DNAH11: variants seen among roughly 807,000 people sequenced by gnomAD.
The protein encoded by DNAH11 is dynein axonemal heavy chain 11.
Under a neutral mutation model 526.0 loss-of-function variants are expected in DNAH11, and 442 were observed. That is an observed-to-expected ratio of 0.84 (90% CI 0.78 to 0.91). The LOEUF is 0.91. Among genes scored for constraint, DNAH11 ranks in the 40% least tolerant of loss-of-function variants. The pLI, the probability that DNAH11 is intolerant of heterozygous loss-of-function variation, is 0.00. For missense variants in DNAH11, 6,989 were observed against 5,448.7 expected, an observed-to-expected ratio of 1.28 and a Z score of -8.90; for synonymous variants, 2,461 against 1,935.9, an observed-to-expected ratio of 1.27 and a Z score of -7.12.
chr7:21,681,834 G>A (rs771901637), intron 31 of DNAH11, 157 bp downstream of exon 31: 25 of 957,436 alleles, frequency 2.6e-5, no homozygotes, highest in Non-Finnish European at 3.7e-5. Flanking sequence ...TTTGATTTTG[G>A]TTAGCCAATA....
intron 18 of DNAH11, among the ~76,000 whole-genome samples, chr7:21,603,659 A>G (rs1418962410): frequency 6.6e-6 from 1 of 152,240 alleles, no homozygotes; most frequent in Non-Finnish European, 1.5e-5. Context: ...AGCCAGTTAG[A>G]CATGGAGCAA....
At chr7:21,579,739 T>C (rs548282830) in intron 8 of DNAH11, among the ~76,000 whole-genome samples, 13 of 152,294 alleles carry the variant, frequency 8.5e-5, no homozygotes, top group Non-Finnish European at 1.8e-4. Context: ...AGATTGTGAG[T>C]TAAAGGATTC....
intron 45 of DNAH11, among the ~76,000 whole-genome samples, chr7:21,727,589 T>C (rs1785182906): frequency 6.6e-6 from 1 of 152,248 alleles, no homozygotes; most frequent in Admixed American, 6.5e-5. Context: ...GATCATCGTA[T>C]TCTACCTCAA....
At position 21,543,099 on chromosome 7, in the gene DNAH11, G is replaced by A; in HGVS notation, c.-147G>A. The A allele has an allele frequency of 7.1e-7, 1 of 1,405,382 alleles. No homozygotes were observed. The highest frequency in any genetic ancestry group is 9.2e-7 in the Non-Finnish European group (1 of 1,082,566). The allele number at this position is 1,405,382 out of a possible 1,614,324, so 87.1% of individuals were successfully genotyped here. A position where few individuals can be genotyped will look rare whatever the true frequency, so the allele number is the denominator to read the frequency against. Reference sequence around the variant, plus strand: ...CTGTGCGCAGTGGCGCGGCTGCTAAGTAGCAGCAGGTGGGAGACTAGGGTC... The same window carrying A: ...CTGTGCGCAGTGGCGCGGCTGCTAAATAGCAGCAGGTGGGAGACTAGGGTC... On this transcript the variant is annotated 5_prime_UTR_variant, in exon 1 of 82. Transcript: ENST00000409508.
intron 35 of DNAH11, among the ~76,000 whole-genome samples, chr7:21,692,983 C>T (rs757591457): frequency 2.6e-5 from 4 of 152,242 alleles, no homozygotes; most frequent in East Asian, 1.9e-4. Context: ...TGTGAAAAGC[C>T]GTATTCTGCA....
chr7:21,556,666 C>T (rs959094820), intron 2 of DNAH11, among the ~76,000 whole-genome samples: 2 of 152,272 alleles, frequency 1.3e-5, no homozygotes, highest in African/African-American at 2.4e-5. Flanking sequence ...TTAGTCCTCA[C>T]CCTCCTTCCA....
intron 74 of DNAH11, among the ~76,000 whole-genome samples, chr7:21,877,744 G>A (rs1042097045): frequency 3.3e-5 from 5 of 151,836 alleles, no homozygotes; most frequent in Non-Finnish European, 7.4e-5. Context: ...GCGTGGTGGT[G>A]GGCGCCTGTA....
At position 21,658,818 on chromosome 7, in the gene DNAH11, A is replaced by G. The variant is rs772630553; in HGVS notation, c.5115A>G (p.Gln1705=). 7 of 1,588,186 alleles carry G rather than the reference A, an allele frequency of 4.4e-6. No homozygotes were observed. Among genetic ancestry groups the G allele is most frequent in the Non-Finnish European group, 6.0e-6 (7 of 1,167,088 alleles). ...CVGHVETWLL[Q]LEQTMQETVR... ...CAAAGGTGGAAACATGGCTTCTGCA[A>G]CTTGAACAGACTATGCAAGAAACGG... Residue 1705 remains glutamine, a synonymous_variant, in exon 30 of 82, where the codon CAA becomes CAG. Coordinates refer to ENST00000409508, the MANE Select transcript of DNAH11 (RefSeq NM_001277115.2).
At position 21,744,889 on chromosome 7, in the gene DNAH11, T is replaced by C. The variant is rs770508431; in HGVS notation, c.8336T>C (p.Leu2779Pro). The change falls in exon 51 of 82, where the codon CTG becomes CCG. Residue 2779 changes from leucine (L) to proline (P), a missense_variant. Transcript: ENST00000409508. ...KYFEGIDSHM[L>P]LQQPLIYCHF... ...CTGCAGGGTATAGATAGTCACATGCTGCTTCAACAGCCCCTCATTTATTGC... is the reference window on the plus strand; with the variant it reads ...CTGCAGGGTATAGATAGTCACATGCCGCTTCAACAGCCCCTCATTTATTGC... 160 of 1,610,064 alleles carry C rather than the reference T, an allele frequency of 9.9e-5. No homozygotes were observed. Among genetic ancestry groups the C allele is most frequent in the Non-Finnish European group, 1.3e-4 (150 of 1,178,230 alleles).
rs1360545437 is a variant in DNAH11 at position 21,741,886 on chromosome 7, A to G, written c.7915-41A>G. The G allele has an allele frequency of 2.5e-6, 4 of 1,599,098 alleles. No individual in the cohort carries two copies. In the African/African-American group the frequency reaches 4.0e-5, roughly 16 times the overall value. On this transcript the variant is annotated intron_variant, in intron 48 of 81. Transcript: ENST00000409508. ...TCAGGTCTTTGCAATTTTCTGGTACAATTGTAATCCTTACACTCTTATATT... is the reference window on the plus strand; with the variant it reads ...TCAGGTCTTTGCAATTTTCTGGTACGATTGTAATCCTTACACTCTTATATT...
At chr7:21,601,209 T>A (rs751335928) in intron 17 of DNAH11, 30 bp downstream of exon 17, 1 of 1,573,326 alleles carries the variant, frequency 6.4e-7, no homozygotes, top group Non-Finnish European at 8.6e-7. Context: ...TTTGGAATTA[T>A]AACTTTCTAA....
chr7:21,748,472 GAGCA>G, intron 51 of DNAH11, 104 bp from the exon 52 acceptor site: 1 of 1,233,084 alleles, frequency 8.1e-7, no homozygotes. Context: ...CTGGGCAACA[GAGCA>G]AGTCTCCATC....
chr7:21,590,872 G>T, intron 12 of DNAH11, 46 bp from the exon 13 acceptor site: 2 of 1,119,892 alleles, frequency 1.8e-6, no homozygotes, highest in South Asian at 4.7e-5. Flanking sequence ...AAAATAGAAT[G>T]ACATTATGAA....
Position 21,616,118 on chromosome 7 carries a change from G to A in DNAH11, c.4012-91G>A, listed in dbSNP as rs1038121288. On this transcript the variant is annotated intron_variant, in intron 21 of 81. Coordinates refer to ENST00000409508, the MANE Select transcript of DNAH11 (RefSeq NM_001277115.2). ...AATTGACTTTCCACTGGATGATAGA[G>A]TTACAGTGTATCATCAGTTTATATA... 9.6e-6 allele frequency: 9 copies of A among 939,280 alleles called. No homozygotes were observed. The Admixed American group carries it at 1.0e-4, about 10-fold the overall frequency. 58.2% of individuals were successfully genotyped at this position (939,280 alleles called of 1,614,324 possible). A position where few individuals can be genotyped will look rare whatever the true frequency, so the allele number is the denominator to read the frequency against.
intron 74 of DNAH11, 112 bp from the exon 75 acceptor site, chr7:21,880,590 C>T (rs1783880131): frequency 1.8e-6 from 2 of 1,089,854 alleles, no homozygotes; most frequent in South Asian, 3.0e-5. Flanking sequence ...CTGAAGACTG[C>T]CTCTGTAGTA....
At chr7:21,855,036 T>C (rs1042285840) in intron 68 of DNAH11, among the ~76,000 whole-genome samples, 2 of 149,360 alleles carry the variant, frequency 1.3e-5, no homozygotes, top group African/African-American at 5.0e-5. Context: ...TTAATTTTTT[T>C]TTTTTTTTTT....
Position 21,623,647 on chromosome 7 carries a change from G to A in DNAH11, c.4500+3569G>A, listed in dbSNP as rs1786188494. Among the ~76,000 whole-genome samples the A allele has an allele frequency of 2.0e-5, 3 of 152,030 alleles. No homozygotes were observed. In the South Asian group the frequency reaches 6.2e-4, roughly 32 times the overall value. ...ATACTATGCAGCCATAAAAAATGAT[G>A]AGTTCATGTCCTTTGTAGGGACATG... On this transcript the variant is annotated intron_variant, in intron 25 of 81. Coordinates refer to ENST00000409508, the MANE Select transcript of DNAH11 (RefSeq NM_001277115.2).
At chr7:21,686,190 G>A (rs1445682328) in intron 32 of DNAH11, among the ~76,000 whole-genome samples, 3 of 151,966 alleles carry the variant, frequency 2.0e-5, no homozygotes, top group African/African-American at 7.3e-5. Flanking sequence ...TTTACCTTTG[G>A]CCTTCTGAAT....
intron 1 of DNAH11, among the ~76,000 whole-genome samples, chr7:21,544,153 C>T (rs997754841): frequency 3.3e-5 from 5 of 152,116 alleles, no homozygotes; most frequent in African/African-American, 1.2e-4. Flanking sequence ...CTTTTTCTTC[C>T]TTTTCTTTTT....
Sources: allele counts gnomAD v4.1 joint callset (sites outside exome capture counted in the v4.1 genomes callset), GRCh38; gene constraint gnomAD v4.1.1; transcripts MANE v1.5; gene names NCBI Gene and HGNC (gene_info 2026-07-23, HGNC 2026-07-21).